ZNF99: variants seen among roughly 807,000 people sequenced by gnomAD.
The protein encoded by ZNF99 is zinc finger protein ENSP00000375192.
ZNF99 carries 8 observed loss-of-function variants against 12.8 expected under a neutral mutation model. That is an observed-to-expected ratio of 0.62 (90% CI 0.37 to 1.13). The LOEUF (loss-of-function observed/expected upper bound fraction) is 1.13, where lower values mean the gene tolerates loss of function less well. ZNF99 is among the 50% of genes most tolerant of loss of function. The pLI is 0.02. For synonymous variants in ZNF99, 318 were observed against 319.0 expected (o/e 1.00, Z 0.03); for missense variants, 1,007 against 1,006.2 (o/e 1.00, Z -0.01).
Position 22,756,205 on chromosome 19 carries a change from T to G in ZNF99, c.*1109A>C, listed in dbSNP as rs201970176. The G allele has an allele frequency of 0.015, 21,980 of 1,497,136 alleles. 1,859 individuals carry two copies. In the African/African-American group the frequency reaches 0.17, roughly 12 times the overall value. The allele number at this position is 1,497,136 out of a possible 1,614,324, so 92.7% of individuals were successfully genotyped here. ...AAGCTTTGACACATTCTTCACATTT[T>G]TAGGGCTTCTCCCCAGTATGAATTA... On this transcript the variant is annotated 3_prime_UTR_variant, in exon 4 of 4. Transcript: ENST00000596209.
chr19:22,779,918 C>T (rs778138931), intron 1 of ZNF99, among the ~76,000 whole-genome samples: 5 of 152,310 alleles, frequency 3.3e-5, no homozygotes, highest in South Asian at 4.1e-4. Context: ...AATCTAACTT[C>T]GTTTTATTTT....
chr19:22,782,402 A>G (rs1973397472), intron 1 of ZNF99, among the ~76,000 whole-genome samples: 1 of 151,824 alleles, frequency 6.6e-6, no homozygotes, highest in Non-Finnish European at 1.5e-5. Context: ...GTTGCCCAGA[A>G]TGGACTGCAA....
chr19:22,758,455 T>G lies in ZNF99; in HGVS notation c.1454A>C (p.Glu485Ala). Reference protein sequence around the residue: ...HTGEKPYKCEECGKAFKWSSK... With the variant: ...HTGEKPYKCEACGKAFKWSSK... ...GGACCACTTAAAAGCTTTACCACATTCTTCACATTTGTAGGGTTTCTCTCC... is the reference window on the plus strand; with the variant it reads ...GGACCACTTAAAAGCTTTACCACATGCTTCACATTTGTAGGGTTTCTCTCC... The change falls in exon 4 of 4, where the codon GAA becomes GCA. Residue 485 changes from glutamate (E) to alanine (A), a missense_variant. By Grantham distance (107) the Glu-to-Ala change is moderately radical (BLOSUM62 -1). Transcript: ENST00000596209. 2 of 1,613,450 alleles carry G rather than the reference T, an allele frequency of 1.2e-6. No homozygotes were observed. The highest frequency in any genetic ancestry group is 1.7e-6 in the Non-Finnish European group (2 of 1,179,736).
chr19:22,757,045 T>C lies in ZNF99; in HGVS notation c.*269A>G, dbSNP rs754021605. The C allele has an allele frequency of 1.5e-5, 25 of 1,612,916 alleles. No individual in the cohort carries two copies. In the South Asian group the frequency reaches 2.7e-4, roughly 18 times the overall value. ...TGCCACATTCTTCACATTTGTACGA[T>C]TTCTCCCTAGTATGAATTAGCTTAT... On this transcript the variant is annotated 3_prime_UTR_variant, in exon 4 of 4. Coordinates refer to ENST00000596209, the MANE Select transcript of ZNF99 (RefSeq NM_001080409.3).
At chr19:22,780,428 C>T (rs753324458) in intron 1 of ZNF99, among the ~76,000 whole-genome samples, 1 of 152,206 alleles carries the variant, frequency 6.6e-6, no homozygotes, top group Non-Finnish European at 1.5e-5. Flanking sequence ...CGTGGTGGCT[C>T]ATGCCTGTAA....
intron 1 of ZNF99, among the ~76,000 whole-genome samples, chr19:22,778,492 C>T (rs1282146898): frequency 6.6e-6 from 1 of 152,166 alleles, no homozygotes; most frequent in Non-Finnish European, 1.5e-5. Flanking sequence ...AGTCTCACAA[C>T]ATTGTTCTTA....
chr19:22,781,547 G>A (rs767830150), intron 1 of ZNF99, among the ~76,000 whole-genome samples: 9 of 150,822 alleles, frequency 6.0e-5, no homozygotes, highest in Non-Finnish European at 1.2e-4. Flanking sequence ...AATTATTTCT[G>A]TGTTTTCCCC....
chr19:22,759,071 T>A lies in ZNF99; in HGVS notation c.838A>T (p.Thr280Ser), dbSNP rs1363326367. The change falls in exon 4 of 4, where the codon ACT becomes TCT. Residue 280 changes from threonine to serine, a missense_variant. Thr to Ser is a moderately conservative substitution (Grantham distance 58). Transcript: ENST00000596209. ...STLMKHKIIH[T>S]GKKPYKCEEC... ...TCACATTTATATGGTTTCTTCCCAGTATGAATTATCTTATGTTTCATAAGG... is the reference window on the plus strand; with the variant it reads ...TCACATTTATATGGTTTCTTCCCAGAATGAATTATCTTATGTTTCATAAGG... 6.2e-7 allele frequency: 1 copy of A among 1,613,704 alleles called. No homozygotes were observed. The highest frequency in any genetic ancestry group is 8.5e-7 in the Non-Finnish European group (1 of 1,179,780).
intron 3 of ZNF99, among the ~76,000 whole-genome samples, chr19:22,764,755 G>A (rs1321061558): frequency 1.3e-5 from 2 of 152,004 alleles, no homozygotes; most frequent in Non-Finnish European, 2.9e-5. Context: ...TAATGGCCAG[G>A]GAAATGCAAA....
chr19:22,766,197 GCAAAA>G (rs1043767718), intron 3 of ZNF99, among the ~76,000 whole-genome samples: 1 of 141,396 alleles, frequency 7.1e-6, no homozygotes, highest in Admixed American at 7.1e-5. Context: ...TAGAAACTAC[GCAAAA>G]CAAAATAAAA....
chr19:22,781,488 CATT>C (rs1451248113), intron 1 of ZNF99, among the ~76,000 whole-genome samples: 1 of 100,662 alleles, frequency 9.9e-6, no homozygotes, highest in Admixed American at 1.2e-4. Flanking sequence ...ACTATTTTTT[CATT>C]ATATTTCACT....
At position 22,782,520 on chromosome 19, in the gene ZNF99, C is replaced by A. The variant is rs144396954; in HGVS notation, c.3+1494G>T. On this transcript the variant is annotated intron_variant, in intron 1 of 3. Transcript: ENST00000596209. ...ACAGGTACAGGCATGTGCCACCACA[C>A]CTGGCTAATTTTTGTATTTTTAGTA... Among the ~76,000 whole-genome samples, 1,095 of 151,670 alleles carry A rather than the reference C, an allele frequency of 7.2e-3. 52 individuals are homozygous for A. Among genetic ancestry groups the A allele is most frequent in the Admixed American group, 0.064 (978 of 15,184 alleles).
At chr19:22,783,952 A>G (rs2145165008) in intron 1 of ZNF99, 62 bp downstream of exon 1, 2 of 1,611,344 alleles carry the variant, frequency 1.2e-6, no homozygotes, top group Middle Eastern at 1.7e-4. Flanking sequence ...CGCCACAGCC[A>G]CTTTCCACCG....
At position 22,752,386 on chromosome 19, in the gene ZNF99, G is replaced by A. The variant is rs1972980708; in HGVS notation, c.*4928C>T. 1 of 151,390 alleles carries A rather than the reference G, an allele frequency of 6.6e-6. No individual in the cohort carries two copies. Among genetic ancestry groups the A allele is most frequent in the Non-Finnish European group, 1.5e-5 (1 of 67,942 alleles). 9.4% of individuals were successfully genotyped at this position (151,390 alleles called of 1,614,324 possible). On this transcript the variant is annotated 3_prime_UTR_variant, in exon 4 of 4. Transcript: ENST00000596209. ...ACGTGATTATTACATATTTTATGCT[G>A]GTATCAAAATATGCTATATATGGCA...
intron 1 of ZNF99, among the ~76,000 whole-genome samples, chr19:22,780,035 C>T (rs952857305): frequency 2.6e-5 from 4 of 152,194 alleles, no homozygotes; most frequent in African/African-American, 9.7e-5. Context: ...GGGTCCCCAG[C>T]TTTCCAGGGT....
At chr19:22,767,752 C>T (rs1973220352) in intron 3 of ZNF99, among the ~76,000 whole-genome samples, 1 of 151,974 alleles carries the variant, frequency 6.6e-6, no homozygotes, top group African/African-American at 2.4e-5. Flanking sequence ...ACATTATGGA[C>T]TGTAATATTT....
chr19:22,781,094 T>G, intron 1 of ZNF99, among the ~76,000 whole-genome samples: 1 of 152,170 alleles, frequency 6.6e-6, no homozygotes, highest in Non-Finnish European at 1.5e-5. Context: ...CAATTCAATA[T>G]TAATTTTATT....
chr19:22,766,430 C>T lies in ZNF99; in HGVS notation c.226+1875G>A, dbSNP rs567000677. ...TCTCAGCTCACCACAACCTACGCCT[C>T]TGGGTTCAAGTGATTCTCCTGCCTC... On this transcript the variant is annotated intron_variant, in intron 3 of 3. Coordinates refer to ENST00000596209, the MANE Select transcript of ZNF99 (RefSeq NM_001080409.3). Among the ~76,000 whole-genome samples, 7 of 151,206 alleles carry T rather than the reference C, an allele frequency of 4.6e-5. No individual in the cohort carries two copies. In the East Asian group the frequency reaches 1.2e-3, roughly 25 times the overall value.
chr19:22,766,534 T>C lies in ZNF99; in HGVS notation c.226+1771A>G, dbSNP rs182647655. ...TTGTATTTTCAGTAGAGACGGGGTT[T>C]CATTGTGTTGGCCAGGCTAGTCTCA... On this transcript the variant is annotated intron_variant, in intron 3 of 3. Coordinates refer to ENST00000596209, the MANE Select transcript of ZNF99 (RefSeq NM_001080409.3). Among the ~76,000 whole-genome samples, 401 of 152,010 alleles carry C rather than the reference T, an allele frequency of 2.6e-3. 4 individuals carry two copies. Among genetic ancestry groups the C allele is most frequent in the Non-Finnish European group, 1.5e-3 (102 of 67,938 alleles).
Sources: gnomAD v4.1 joint callset for allele counts (sites outside exome capture counted in the v4.1 genomes callset) on GRCh38, gnomAD v4.1.1 for gene constraint, MANE v1.5 for transcripts, NCBI Gene and HGNC (gene_info 2026-07-23, HGNC 2026-07-21) for gene names.